ATG12: variants seen among roughly 807,000 people sequenced by gnomAD.
ATG12 encodes autophagy related 12.
ATG12 carries 19 observed loss-of-function variants against 17.6 expected under a neutral mutation model. That is an observed-to-expected ratio of 1.08 (90% CI 0.75 to 1.58). The LOEUF (loss-of-function observed/expected upper bound fraction) is 1.58. Among genes scored for constraint, ATG12 ranks in the 40% most tolerant of loss-of-function variants. ATG12 has a pLI of 0.00. For synonymous variants in ATG12, 75 were observed against 62.4 expected (o/e 1.20, Z -0.95); for missense variants, 214 against 162.0 (o/e 1.32, Z -1.74).
intron 1 of ATG12, among the ~76,000 whole-genome samples, chr5:115,840,121 A>G (rs1357438255): frequency 2.2e-4 from 34 of 152,190 alleles, no homozygotes; most frequent in Admixed American, 2.2e-3. Context: ...GCAACAAAAC[A>G]CTGTAAAACC....
chr5:115,841,516 T>G lies in ATG12; in HGVS notation c.37A>C (p.Thr13Pro), dbSNP rs749099835. 1.9e-6 allele frequency: 3 copies of G among 1,612,690 alleles called. No homozygotes were observed. Among genetic ancestry groups the G allele is most frequent in the Non-Finnish European group, 2.5e-6 (3 of 1,179,480 alleles). ...CCTTCCCCTCCAGCAGCAATTGAAG[T>G]AGGAAGCTGCAACACAGACTGCGGC... is the stretch of plus-strand genomic sequence containing the variant. The part of the protein sequence containing the change: ...EEPQSVLQLP[T>P]SIAAGGEGLT... The change falls in exon 1 of 4, where the codon ACT becomes CCT. Residue 13 changes from threonine to proline, a missense_variant. Thr to Pro is a conservative substitution (Grantham distance 38). Coordinates refer to ENST00000509910, the MANE Select transcript of ATG12 (RefSeq NM_004707.4).
chr5:115,836,291 A>T (rs1486946667), intron 2 of ATG12, among the ~76,000 whole-genome samples: 1 of 152,228 alleles, frequency 6.6e-6, no homozygotes, highest in East Asian at 1.9e-4. Flanking sequence ...TACAGGCAAT[A>T]CAAAATTTCA....
At chr5:115,837,047 T>G (rs1024932616) in intron 2 of ATG12, among the ~76,000 whole-genome samples, 1 of 152,238 alleles carries the variant, frequency 6.6e-6, no homozygotes, top group Non-Finnish European at 1.5e-5. Context: ...ACTTCTGTAG[T>G]AATGTACAGA....
intron 3 of ATG12, 35 bp downstream of exon 3, chr5:115,832,567 C>CTTT (rs1561450485): frequency 1.1e-5 from 12 of 1,066,376 alleles, no homozygotes; most frequent in Admixed American, 5.0e-5. Context: ...GCAGTAATTT[C>CTTT]TTTCTTTTTT....
Position 115,837,699 on chromosome 5 carries a change from G to A in ATG12, c.229C>T (p.Arg77Ter), listed in dbSNP as rs777851308. ...ATGAGTCCTTGGATGGTTCGTGTTC[G>A]CTCTACTGCCCACTTCTTTGTTTTC... ...IMKTKKWAVE[R>*]TRTIQGLIDF... is the part of the protein sequence containing the mutation. Residue 77 changes from arginine (R) to a stop codon, truncating the protein, a stop_gained, in exon 2 of 4, where the codon CGA (arginine) becomes TGA (stop). Transcript: ENST00000509910. LOFTEE classifies it high-confidence loss of function. 4 of 1,613,182 alleles carry A rather than the reference G, an allele frequency of 2.5e-6. No homozygotes were observed. The highest frequency in any genetic ancestry group is 2.2e-5 in the South Asian group (2 of 90,992).
chr5:115,840,730 G>C lies in ATG12; in HGVS notation c.163+660C>G, dbSNP rs986494272. The C allele has an allele frequency of 2.2e-5, 26 of 1,183,602 alleles. No homozygotes were observed. In the African/African-American group the frequency reaches 3.4e-4, roughly 15 times the overall value. 73.3% of individuals were successfully genotyped at this position (1,183,602 alleles called of 1,614,324 possible). Reference sequence around the variant, plus strand: ...CTCTAAACAGAGTGCTTTAGAACACGTAATTTTAGCAATCTCTTTTACAAA... The same window carrying C: ...CTCTAAACAGAGTGCTTTAGAACACCTAATTTTAGCAATCTCTTTTACAAA... On this transcript the variant is annotated intron_variant, in intron 1 of 3. Transcript: ENST00000509910.
In ATG12 at chr5:115,839,789, T is replaced by C. The variant is rs148471990; in HGVS notation, c.163+1601A>G. Among the ~76,000 whole-genome samples, 451 of 152,324 alleles carry C rather than the reference T, an allele frequency of 3.0e-3. 2 individuals are homozygous for C. Among genetic ancestry groups the C allele is most frequent in the African/African-American group, 0.01 (433 of 41,566 alleles). On this transcript the variant is annotated intron_variant, in intron 1 of 3. Transcript: ENST00000509910. ...CAAAACAGTTAAGCTGCTTTCATCA[T>C]ATTATCCTCAACAAATAATGACAAG...
Position 115,837,742 on chromosome 5 carries a change from C to A in ATG12, c.186G>T (p.Val62=), listed in dbSNP as rs746303824. Residue 62 remains valine, a synonymous_variant, in exon 2 of 4, where the codon GTG becomes GTT. Coordinates refer to ENST00000509910, the MANE Select transcript of ATG12 (RefSeq NM_004707.4). ...KKKIDILLKA[V]GDTPIMKTKK... ...TTGTTTTCATAATAGGAGTGTCTCC[C>A]ACAGCCTTTAGCAAAATGTCAACTG... 7 of 1,608,794 alleles carry A rather than the reference C, an allele frequency of 4.4e-6. No individual in the cohort carries two copies. In the South Asian group the frequency reaches 4.4e-5, roughly 10 times the overall value.
intron 3 of ATG12, among the ~76,000 whole-genome samples, chr5:115,832,084 A>G (rs182712933): frequency 6.6e-6 from 1 of 152,298 alleles, no homozygotes; most frequent in African/African-American, 2.4e-5. Context: ...GGCATGAATG[A>G]GCTTATGTAT....
chr5:115,837,641 G>A lies in ATG12; in HGVS notation c.287C>T (p.Ala96Val). Residue 96 changes from alanine to valine, a missense_variant, in exon 2 of 4, where the codon GCC becomes GTC. Ala to Val is a moderately conservative substitution (Grantham distance 64). Coordinates refer to ENST00000509910, the MANE Select transcript of ATG12 (RefSeq NM_004707.4). ...TTGGTTTCATACCAACTGTTCTGAGGCCACAAGTTTAAGAAACTTTTTGAT... is the reference window on the plus strand; with the variant it reads ...TTGGTTTCATACCAACTGTTCTGAGACCACAAGTTTAAGAAACTTTTTGAT... ...DFIKKFLKLV[A>V]SEQLFIYVNQ... 2 of 1,611,288 alleles carry A rather than the reference G, an allele frequency of 1.2e-6. No homozygotes were observed. The highest frequency in any genetic ancestry group is 1.7e-6 in the Non-Finnish European group (2 of 1,179,698).
chr5:115,835,642 T>C (rs923216964), intron 2 of ATG12, among the ~76,000 whole-genome samples: 1 of 152,200 alleles, frequency 6.6e-6, no homozygotes, highest in African/African-American at 2.4e-5. Flanking sequence ...AGTGCAAATG[T>C]ATTGTCATCA....
At chr5:115,837,462 A>G (rs1160860266) in intron 2 of ATG12, among the ~76,000 whole-genome samples, 166 bp downstream of exon 2, 1 of 151,776 alleles carries the variant, frequency 6.6e-6, no homozygotes, top group Non-Finnish European at 1.5e-5. Context: ...ACAGAGCGAG[A>G]CTGTCTCAAA....
chr5:115,836,879 T>C (rs1197474982), intron 2 of ATG12, among the ~76,000 whole-genome samples: 2 of 152,218 alleles, frequency 1.3e-5, no homozygotes, highest in African/African-American at 4.8e-5. Flanking sequence ...TTTAAAGAAT[T>C]AACCTTTACT....
At chr5:115,834,754 G>T (rs542066892) in intron 2 of ATG12, among the ~76,000 whole-genome samples, 1 of 152,128 alleles carries the variant, frequency 6.6e-6, no homozygotes, top group African/African-American at 2.4e-5. Flanking sequence ...AAAGTTTGAC[G>T]ACAGCCTAAC....
At chr5:115,832,342 C>T (rs1267158168) in intron 3 of ATG12, among the ~76,000 whole-genome samples, 7 of 151,924 alleles carry the variant, frequency 4.6e-5, no homozygotes, top group Admixed American at 3.9e-4. Context: ...ATGAAGATGA[C>T]TTTGAAATGT....
chr5:115,839,801 C>A (rs1761261808), intron 1 of ATG12, among the ~76,000 whole-genome samples: 1 of 152,082 alleles, frequency 6.6e-6, no homozygotes, highest in African/African-American at 2.4e-5. Context: ...TTATCCTCAA[C>A]AAATAATGAC....
chr5:115,841,389 CT>C lies in ATG12; in HGVS notation c.163del (p.Ile55LeufsTer5). On this transcript the variant is annotated frameshift_variant and splice_region_variant, in exon 1 of 4. Transcript: ENST00000509910. LOFTEE classifies it high-confidence loss of function. ...CTCTGCCCGGAAATAAATTCAGTTA[CT>C]TTTTTTCTTGGTGTCGCCAGCAGGT... ...EEPAGDTKKK[I>X]DILLKAVGDT... The C allele has an allele frequency of 2.5e-6, 4 of 1,611,696 alleles. No homozygotes were observed. Among genetic ancestry groups the C allele is most frequent in the Admixed American group, 1.7e-5 (1 of 59,320 alleles).
At chr5:115,840,484 G>C (rs979319164) in intron 1 of ATG12, 2 of 503,852 alleles carry the variant, frequency 4.0e-6, no homozygotes, top group African/African-American at 2.1e-5. Context: ...TTTTAGTAGA[G>C]ATGGAGTCTT....
intron 1 of ATG12, chr5:115,841,135 A>C: frequency 2.8e-6 from 1 of 357,254 alleles, no homozygotes; most frequent in Non-Finnish European, 5.0e-6. Flanking sequence ...AGTCTGGCCA[A>C]CTCAAAAAAA....
Sources: gnomAD v4.1 joint callset for allele counts (sites outside exome capture counted in the v4.1 genomes callset) on GRCh38, gnomAD v4.1.1 for gene constraint, MANE v1.5 for transcripts, NCBI Gene and HGNC (gene_info 2026-07-23, HGNC 2026-07-21) for gene names.